Variants in RIT2 observed in about 807,000 individuals in gnomAD.
RIT2 encodes the protein Ras like without CAAX 2, also known as GTP-binding protein Rit2.
Under a neutral mutation model 23.7 loss-of-function variants are expected in RIT2, and 24 were observed. The observed-to-expected ratio is 1.01, with a 90% CI of 0.73 to 1.43. RIT2 has a LOEUF of 1.43. Ranked by LOEUF, RIT2 falls within the 40% of genes most tolerant of loss-of-function variation. RIT2 has a pLI of 0.00. For missense variants in RIT2, 236 were observed against 266.9 expected (o/e 0.88, Z 0.81); for synonymous variants, 107 against 91.1 (o/e 1.17, Z -0.99).
At chr18:43,008,300 G>A (rs989342196) in intron 2 of RIT2, among the ~76,000 whole-genome samples, 1 of 151,398 alleles carries the variant, frequency 6.6e-6, no homozygotes, top group Non-Finnish European at 1.5e-5. Flanking sequence ...ATATATATAA[G>A]ATTATATGTA....
At chr18:42,934,052 A>G (rs963969779) in intron 3 of RIT2, among the ~76,000 whole-genome samples, 3 of 129,886 alleles carry the variant, frequency 2.3e-5, no homozygotes, top group Non-Finnish European at 5.1e-5. Flanking sequence ...AAAAAAAAAA[A>G]GAAACCTCTT....
chr18:42,966,677 G>T (rs1295786091), intron 3 of RIT2, among the ~76,000 whole-genome samples: 1 of 152,040 alleles, frequency 6.6e-6, no homozygotes, highest in Admixed American at 6.6e-5. Context: ...TTCTCAATAT[G>T]TACAAAAATG....
chr18:42,882,553 T>C (rs140099282), intron 4 of RIT2, among the ~76,000 whole-genome samples: 1 of 152,170 alleles, frequency 6.6e-6, no homozygotes, highest in Non-Finnish European at 1.5e-5. Context: ...TGAAAATGAC[T>C]GGGTAATTCA....
intron 2 of RIT2, among the ~76,000 whole-genome samples, chr18:42,984,026 T>C (rs1171347086): frequency 6.6e-6 from 1 of 152,052 alleles, no homozygotes; most frequent in African/African-American, 2.4e-5. Context: ...TCATATAAAA[T>C]AGCAAGTGCA....
At chr18:42,758,302 C>T (rs540995590) in intron 4 of RIT2, among the ~76,000 whole-genome samples, 1 of 152,218 alleles carries the variant, frequency 6.6e-6, no homozygotes, top group South Asian at 2.1e-4. Context: ...TTAATATTCA[C>T]AATCTGTATT....
chr18:42,975,214 A>T (rs1168311248), intron 2 of RIT2, among the ~76,000 whole-genome samples: 1 of 152,044 alleles, frequency 6.6e-6, no homozygotes, highest in African/African-American at 2.4e-5. Context: ...CTGATTAGTG[A>T]TGGTGACATA....
At chr18:43,088,438 A>G (rs1488898368) in intron 1 of RIT2, among the ~76,000 whole-genome samples, 1 of 152,202 alleles carries the variant, frequency 6.6e-6, no homozygotes, top group Non-Finnish European at 1.5e-5. Flanking sequence ...CTTGAGGAAT[A>G]TAAGAGGCAG....
intron 4 of RIT2, among the ~76,000 whole-genome samples, chr18:42,865,340 C>T (rs548707225): frequency 1.3e-4 from 20 of 152,314 alleles, no homozygotes; most frequent in African/African-American, 4.3e-4. Flanking sequence ...CCAAGCCCAT[C>T]TGCTATTGTT....
intron 4 of RIT2, among the ~76,000 whole-genome samples, chr18:42,892,009 C>A (rs1568023091): frequency 6.6e-6 from 1 of 151,802 alleles, no homozygotes; most frequent in Non-Finnish European, 1.5e-5. Flanking sequence ...TGTGTGGGAA[C>A]TTCTGTATTT....
intron 4 of RIT2, among the ~76,000 whole-genome samples, chr18:42,757,838 G>T (rs957613835): frequency 1.4e-4 from 21 of 152,158 alleles, no homozygotes; most frequent in African/African-American, 4.3e-4. Context: ...TCACCTCAGT[G>T]AGGAAATAAA....
intron 4 of RIT2, among the ~76,000 whole-genome samples, chr18:42,814,693 C>T (rs1191637959): frequency 6.6e-6 from 1 of 152,178 alleles, no homozygotes. Context: ...TGCCCACCAC[C>T]TGTTCCTCCC....
chr18:42,776,583 C>T (rs908829322), intron 4 of RIT2, among the ~76,000 whole-genome samples: 2 of 152,024 alleles, frequency 1.3e-5, no homozygotes, highest in Non-Finnish European at 2.9e-5. Context: ...TTACATTTAT[C>T]AATATCAAAT....
rs1232134759 is a variant in RIT2, at chr18:42,968,318, A to G, written c.234+5756T>C. 2.6e-5 allele frequency among the ~76,000 whole-genome samples: 4 copies of G among 152,338 alleles called. No individual in the cohort carries two copies. The East Asian group carries it at 5.8e-4, about 22-fold the overall frequency. On this transcript the variant is annotated intron_variant, in intron 3 of 4. Transcript: ENST00000326695. ...CCTTTGAATGAAATTCAATGCTACC[A>G]TAAGAATTAACAAGCATTAATTGCT...
intron 1 of RIT2, among the ~76,000 whole-genome samples, chr18:43,057,597 A>G (rs1055397459): frequency 6.6e-6 from 1 of 152,156 alleles, no homozygotes; most frequent in African/African-American, 2.4e-5. Context: ...GTGTATGTGC[A>G]CGCACATGCA....
chr18:43,057,806 T>TTTTTTTTTTTTTTG, intron 1 of RIT2, among the ~76,000 whole-genome samples: 1 of 150,358 alleles, frequency 6.7e-6, no homozygotes. Flanking sequence ...CACTTTTTTT[T>TTTTTTTTTTTTTTG]TTTTTTTTTA....
chr18:42,768,032 A>G (rs1263852352), intron 4 of RIT2, among the ~76,000 whole-genome samples: 1 of 152,086 alleles, frequency 6.6e-6, no homozygotes, highest in Non-Finnish European at 1.5e-5. Context: ...AATACAATAC[A>G]TATGTATATA....
At chr18:42,826,125 T>G (rs1374137709) in intron 4 of RIT2, among the ~76,000 whole-genome samples, 1 of 152,068 alleles carries the variant, frequency 6.6e-6, no homozygotes, top group Non-Finnish European at 1.5e-5. Context: ...TTGGCAAATG[T>G]TCATTGTATA....
chr18:42,886,528 T>G (rs547744052), intron 4 of RIT2, among the ~76,000 whole-genome samples: 53 of 152,342 alleles, frequency 3.5e-4, no homozygotes, highest in African/African-American at 1.0e-3. Flanking sequence ...CAAGTAGGTC[T>G]GCCAGACCAT....
At chr18:42,935,236 G>A (rs1233158591) in intron 3 of RIT2, among the ~76,000 whole-genome samples, 1 of 152,126 alleles carries the variant, frequency 6.6e-6, no homozygotes, top group Admixed American at 6.5e-5. Flanking sequence ...TTAGTGTTGG[G>A]GCCTCAAGAA....
Sources: allele counts gnomAD v4.1 joint callset (sites outside exome capture counted in the v4.1 genomes callset), GRCh38; gene constraint gnomAD v4.1.1; transcripts MANE v1.5; gene names NCBI Gene and HGNC (gene_info 2026-07-23, HGNC 2026-07-21).